The following CDK17 variants were observed in gnomAD, a reference collection of about 807,000 sequenced individuals.
The protein encoded by CDK17 is cyclin dependent kinase 17.
Under a neutral mutation model 77.6 loss-of-function variants are expected in CDK17, and 24 were observed. The observed-to-expected ratio is 0.31, with a 90% confidence interval of 0.22 to 0.44. CDK17 has a LOEUF of 0.44. Among genes scored for constraint, CDK17 ranks in the 20% least tolerant of loss-of-function variants. The pLI is 1.00. For synonymous variants in CDK17, 203 were observed against 210.4 expected, an observed-to-expected ratio of 0.96 and a Z score of 0.30; for missense variants, 429 against 622.5, an observed-to-expected ratio of 0.69 and a Z score of 3.31.
At chr12:96,346,284 C>A (rs1220459517) in intron 1 of CDK17, among the ~76,000 whole-genome samples, 2 of 152,148 alleles carry the variant, frequency 1.3e-5, no homozygotes, top group Non-Finnish European at 1.5e-5. Flanking sequence ...AACCCCATCT[C>A]TACTAAAAAT....
At chr12:96,335,568 C>T (rs751554857) in intron 1 of CDK17, among the ~76,000 whole-genome samples, 5 of 152,258 alleles carry the variant, frequency 3.3e-5, no homozygotes, top group South Asian at 2.1e-4. Flanking sequence ...CATGAGGAAA[C>T]GTGCTCAAAG....
At chr12:96,355,321 T>A (rs1487891112) in intron 1 of CDK17, among the ~76,000 whole-genome samples, 1 of 151,484 alleles carries the variant, frequency 6.6e-6, no homozygotes, top group Non-Finnish European at 1.5e-5. Flanking sequence ...GTGAGAACTC[T>A]ACACGCAGCT....
intron 1 of CDK17, among the ~76,000 whole-genome samples, chr12:96,363,467 A>G (rs1953529293): frequency 6.6e-6 from 1 of 151,526 alleles, no homozygotes; most frequent in Admixed American, 6.6e-5. Flanking sequence ...AAAAAAAAAA[A>G]AAATTAGAGC....
At position 96,334,941 on chromosome 12, in the gene CDK17, T is replaced by C. The variant is rs1953022078; in HGVS notation, c.-29-76A>G. 4.0e-5 allele frequency: 28 copies of C among 703,604 alleles called. 1 individual carries two copies. In the South Asian group the frequency reaches 4.4e-4, roughly 11 times the overall value. The allele number at this position is 703,604 out of a possible 1,614,324, so 43.6% of individuals were successfully genotyped here. A position where few individuals can be genotyped will look rare whatever the true frequency, so the allele number is the denominator to read the frequency against. ...GAAGAAAAATACCGCCTGGGTTTAC[T>C]GGAAATCTTTAAAATAGGAATATAA... On this transcript the variant is annotated intron_variant, in intron 1 of 16. Transcript: ENST00000261211.
At chr12:96,316,931 C>A (rs1952737499) in intron 3 of CDK17, among the ~76,000 whole-genome samples, 1 of 150,750 alleles carries the variant, frequency 6.6e-6, no homozygotes, top group Admixed American at 6.6e-5. Context: ...CAGTTCCTCA[C>A]CAGCAACGGA....
intron 2 of CDK17, among the ~76,000 whole-genome samples, chr12:96,333,623 A>C (rs1449295866): frequency 6.6e-6 from 1 of 151,746 alleles, no homozygotes; most frequent in Admixed American, 6.6e-5. Context: ...GCAGTGAGCC[A>C]ACATTGTGCC....
At chr12:96,380,679 AAG>A (rs1953865367) in intron 1 of CDK17, among the ~76,000 whole-genome samples, 2 of 152,192 alleles carry the variant, frequency 1.3e-5, no homozygotes, top group Non-Finnish European at 1.5e-5. Flanking sequence ...TAACTTGCAG[AAG>A]TTCATCTGTA....
intron 1 of CDK17, among the ~76,000 whole-genome samples, chr12:96,348,523 C>CAAAAAAAAAAAAAAAAAAAAAA (rs35363324): frequency 1.6e-3 from 107 of 66,276 alleles, no homozygotes; most frequent in Non-Finnish European, 2.0e-3. Flanking sequence ...GACTCTGTCT[C>CAAAAAAAAAAAAAAAAAAAAAA]AAAAAAAAAA....
intron 1 of CDK17, among the ~76,000 whole-genome samples, chr12:96,369,817 ACGCC>A (rs55723611): frequency 0.013 from 2,026 of 152,246 alleles, 24 homozygotes; most frequent in Non-Finnish European, 0.019. Context: ...GCGGTGGCTC[ACGCC>A]TGTAATCCCA....
chr12:96,370,349 T>C (rs1323999576), intron 1 of CDK17, among the ~76,000 whole-genome samples: 1 of 152,238 alleles, frequency 6.6e-6, no homozygotes, highest in Non-Finnish European at 1.5e-5. Flanking sequence ...ATGATACAGC[T>C]AGCAAGCCTT....
chr12:96,280,442 T>G, intron 16 of CDK17, 163 bp from the exon 17 acceptor site: 2 of 1,431,564 alleles, frequency 1.4e-6, no homozygotes, highest in South Asian at 1.6e-5. Context: ...ACGGGGTCAG[T>G]CTACAGCTTC....
intron 1 of CDK17, among the ~76,000 whole-genome samples, chr12:96,374,012 C>A (rs1953738787): frequency 6.6e-6 from 1 of 152,144 alleles, no homozygotes; most frequent in Admixed American, 6.6e-5. Flanking sequence ...ATGTATTGTA[C>A]CTAGCACACA....
chr12:96,379,098 G>C (rs1953834387), intron 1 of CDK17, among the ~76,000 whole-genome samples: 1 of 152,140 alleles, frequency 6.6e-6, no homozygotes, highest in Non-Finnish European at 1.5e-5. Flanking sequence ...CATACTATGA[G>C]ACAGAGTAGC....
At chr12:96,380,922 T>C (rs1230255727) in intron 1 of CDK17, among the ~76,000 whole-genome samples, 1 of 152,180 alleles carries the variant, frequency 6.6e-6, no homozygotes, top group African/African-American at 2.4e-5. Flanking sequence ...TTTTTACATG[T>C]TCTTTTATCC....
At chr12:96,372,057 C>T (rs1198214590) in intron 1 of CDK17, among the ~76,000 whole-genome samples, 1 of 151,518 alleles carries the variant, frequency 6.6e-6, no homozygotes, top group Non-Finnish European at 1.5e-5. Flanking sequence ...TCTTTCTCTC[C>T]AAGAGGCATC....
chr12:96,371,351 G>A (rs914538513), intron 1 of CDK17, among the ~76,000 whole-genome samples: 3 of 152,080 alleles, frequency 2.0e-5, no homozygotes, highest in African/African-American at 4.8e-5. Context: ...AAGATATCCC[G>A]TGAAGCCCAG....
At chr12:96,335,537 G>A (rs1328565001) in intron 1 of CDK17, among the ~76,000 whole-genome samples, 1 of 152,160 alleles carries the variant, frequency 6.6e-6, no homozygotes, top group African/African-American at 2.4e-5. Context: ...GAAAGGTAAA[G>A]TATACTATCC....
chr12:96,311,170 T>G lies in CDK17; in HGVS notation c.425A>C (p.Asn142Thr). The change falls in exon 5 of 17, where the codon AAT (asparagine) becomes ACT (threonine). Residue 142 changes from asparagine (N) to threonine (T), a missense_variant. Asn to Thr is a moderately conservative substitution (Grantham distance 65). Around this residue, in one of 4 missense-constraint regions of CDK17, gnomAD observed 262 missense variants for 385.4 expected, o/e 0.68. Coordinates refer to ENST00000261211, the MANE Select transcript of CDK17 (RefSeq NM_002595.5). Reference sequence around the variant, plus strand: ...GTCTGCAGGCAGTGATAACCGCTTATTTAAATCCTTAAAAAAAAAAAAAGG... The same window carrying G: ...GTCTGCAGGCAGTGATAACCGCTTAGTTAAATCCTTAAAAAAAAAAAAAGG... ...IHRRISMEDL[N>T]KRLSLPADIR... 6.5e-7 allele frequency: 1 copy of G among 1,528,110 alleles called. No individual in the cohort carries two copies. The highest frequency in any genetic ancestry group is 8.7e-7 in the Non-Finnish European group (1 of 1,150,702). 94.7% of individuals were successfully genotyped at this position (1,528,110 alleles called of 1,614,324 possible). A position where few individuals can be genotyped will look rare whatever the true frequency, so the allele number is the denominator to read the frequency against.
intron 5 of CDK17, among the ~76,000 whole-genome samples, chr12:96,307,865 T>A (rs1952596488): frequency 6.6e-6 from 1 of 151,532 alleles, no homozygotes; most frequent in African/African-American, 2.4e-5. Flanking sequence ...TGACACTCTG[T>A]CTCACACACA....
Sources: allele counts gnomAD v4.1 joint callset (sites outside exome capture counted in the v4.1 genomes callset), GRCh38; gene constraint gnomAD v4.1.1; regional missense constraint gnomAD v4.1.1; transcripts MANE v1.5; gene names NCBI Gene and HGNC (gene_info 2026-07-23, HGNC 2026-07-21).